RAB3B: variants seen among roughly 807,000 people sequenced by gnomAD.
RAB3B encodes the protein ras-related protein Rab-3B.
In RAB3B, 11 loss-of-function variants were observed where a neutral mutation model predicts 20.5. The observed-to-expected ratio is 0.54, with a 90% CI of 0.34 to 0.89. The LOEUF (loss-of-function observed/expected upper bound fraction) is 0.89, where lower values mean the gene tolerates loss of function less well. Among genes scored for constraint, RAB3B ranks in the 40% least tolerant of loss-of-function variants. The probability of loss-of-function intolerance (pLI) is 0.02; values close to 1 mark genes in which losing one functional copy is unlikely to be tolerated. For synonymous variants in RAB3B, 99 were observed against 106.3 expected, an observed-to-expected ratio of 0.93 and a Z score of 0.42; for missense variants, 225 against 280.9, an observed-to-expected ratio of 0.80 and a Z score of 1.42.
chr1:51,933,297 A>G (rs773031495), intron 4 of RAB3B, 21 bp downstream of exon 4: 2 of 1,612,058 alleles, frequency 1.2e-6, no homozygotes, highest in Non-Finnish European at 1.7e-6. Flanking sequence ...ACACATGCAC[A>G]TACATGTGTC....
rs148887542 is a variant in RAB3B at position 51,939,424 on chromosome 1, CT to C, written c.229-2013del. 1.5e-3 allele frequency among the ~76,000 whole-genome samples: 219 copies of C among 145,838 alleles called. 2 individuals carry two copies. In the East Asian group the frequency reaches 0.026, roughly 17 times the overall value. ...AAAAAGGTAGGCCTTAAATCTGGGA[CT>C]TTTTTTTTTTAAGAGACAGGGTCTC... On this transcript the variant is annotated intron_variant, in intron 2 of 4. Coordinates refer to ENST00000371655, the MANE Select transcript of RAB3B (RefSeq NM_002867.4).
chr1:51,933,306 T>C lies in RAB3B; in HGVS notation c.472+12A>G. On this transcript the variant is annotated intron_variant, in intron 4 of 4. Coordinates refer to ENST00000371655, the MANE Select transcript of RAB3B (RefSeq NM_002867.4). ...AAATGCACACATGCACATACATGTG[T>C]CATGTACATACCAAGCTGCTCTGCA... The C allele has an allele frequency of 6.2e-7, 1 of 1,613,300 alleles. No homozygotes were observed. Among genetic ancestry groups the C allele is most frequent in the South Asian group, 1.1e-5 (1 of 90,986 alleles).
At chr1:51,921,978 T>C (rs974751053) in intron 4 of RAB3B, among the ~76,000 whole-genome samples, 1 of 152,304 alleles carries the variant, frequency 6.6e-6, no homozygotes, top group Non-Finnish European at 1.5e-5. Flanking sequence ...CACATGCCAT[T>C]CCTGCCAGCC....
intron 2 of RAB3B, among the ~76,000 whole-genome samples, chr1:51,963,923 C>A (rs1317696891): frequency 6.6e-6 from 1 of 152,150 alleles, no homozygotes; most frequent in Non-Finnish European, 1.5e-5. Flanking sequence ...ATTTTTGTTT[C>A]TTTGTTGGCT....
chr1:51,914,657 G>A lies in RAB3B; in HGVS notation c.*5270C>T, dbSNP rs1037300316. On this transcript the variant is annotated 3_prime_UTR_variant, in exon 5 of 5. Transcript: ENST00000371655. Reference sequence around the variant, plus strand: ...TCATTTAACAGTATTTATATCTCACGGACTAGTGTTTTGCATTTACTTCCA... The same window carrying A: ...TCATTTAACAGTATTTATATCTCACAGACTAGTGTTTTGCATTTACTTCCA... 8 of 152,038 alleles carry A rather than the reference G, an allele frequency of 5.3e-5. No individual in the cohort carries two copies. Among genetic ancestry groups the A allele is most frequent in the Non-Finnish European group, 1.0e-4 (7 of 68,018 alleles). 9.4% of individuals were successfully genotyped at this position (152,038 alleles called of 1,614,324 possible). A position where few individuals can be genotyped will look rare whatever the true frequency, so the allele number is the denominator to read the frequency against.
intron 2 of RAB3B, among the ~76,000 whole-genome samples, chr1:51,974,707 T>C (rs1170925919): frequency 6.6e-6 from 1 of 152,222 alleles, no homozygotes; most frequent in Non-Finnish European, 1.5e-5. Context: ...TATAGCAGTG[T>C]TGTTGACCTA....
intron 2 of RAB3B, among the ~76,000 whole-genome samples, chr1:51,940,403 A>G (rs1273390839): frequency 6.6e-6 from 1 of 152,236 alleles, no homozygotes; most frequent in Non-Finnish European, 1.5e-5. Context: ...TAGGTAGATC[A>G]TTTGAAGTCA....
At chr1:51,958,176 T>C (rs1571971399) in intron 2 of RAB3B, among the ~76,000 whole-genome samples, 1 of 152,142 alleles carries the variant, frequency 6.6e-6, no homozygotes, top group South Asian at 2.1e-4. Flanking sequence ...GTGTCACTTT[T>C]TATATGCAGA....
chr1:51,937,772 C>T (rs898445024), intron 2 of RAB3B, among the ~76,000 whole-genome samples: 6 of 152,068 alleles, frequency 3.9e-5, no homozygotes, highest in African/African-American at 7.2e-5. Context: ...GCTGGGATTA[C>T]AGGAGTGAGC....
intron 2 of RAB3B, among the ~76,000 whole-genome samples, chr1:51,975,986 C>T (rs573468130): frequency 3.3e-5 from 5 of 149,322 alleles, no homozygotes; most frequent in Admixed American, 6.7e-5. Context: ...GACAAGACTC[C>T]GTCTTAAAAA....
rs1683977334 is a variant in RAB3B at position 51,910,187 on chromosome 1, C to T, written c.*9740G>A. 1 of 152,132 alleles carries T rather than the reference C, an allele frequency of 6.6e-6. No individual in the cohort carries two copies. Among genetic ancestry groups the T allele is most frequent in the Non-Finnish European group, 1.5e-5 (1 of 68,028 alleles). The allele number at this position is 152,132 out of a possible 1,614,324, so 9.4% of individuals were successfully genotyped here. A position where few individuals can be genotyped will look rare whatever the true frequency, so the allele number is the denominator to read the frequency against. ...CCTTATGACCTTCTGAAACCTCATCCTGTGGTCTGATGTCTACAGGGGTTG... is the reference window on the plus strand; with the variant it reads ...CCTTATGACCTTCTGAAACCTCATCTTGTGGTCTGATGTCTACAGGGGTTG... On this transcript the variant is annotated 3_prime_UTR_variant, in exon 5 of 5. Transcript: ENST00000371655.
rs1372769196 is a variant in RAB3B at position 51,919,186 on chromosome 1, T to A, written c.*741A>T. 6.6e-6 allele frequency: 1 copy of A among 151,800 alleles called. No homozygotes were observed. The highest frequency in any genetic ancestry group is 2.4e-5 in the African/African-American group (1 of 41,316). The allele number at this position is 151,800 out of a possible 1,614,324, so 9.4% of individuals were successfully genotyped here. ...TTTTAGTAGAGACGGGGTTTCACCT[T>A]GTTAGCCAGGATGGTCTCGATCTCC... On this transcript the variant is annotated 3_prime_UTR_variant, in exon 5 of 5. Transcript: ENST00000371655.
chr1:51,934,354 C>G (rs1475998146), intron 3 of RAB3B, among the ~76,000 whole-genome samples: 1 of 152,176 alleles, frequency 6.6e-6, no homozygotes, highest in Non-Finnish European at 1.5e-5. Context: ...CCTAGATCCA[C>G]TTAGCCTCCA....
intron 1 of RAB3B, among the ~76,000 whole-genome samples, chr1:51,988,162 C>A (rs1335393729): frequency 6.6e-6 from 1 of 152,138 alleles, no homozygotes; most frequent in Non-Finnish European, 1.5e-5. Flanking sequence ...ATAGCAGGGG[C>A]TCAATAATGT....
intron 4 of RAB3B, among the ~76,000 whole-genome samples, chr1:51,932,171 A>C (rs548194460): frequency 2.6e-4 from 40 of 152,150 alleles, no homozygotes; most frequent in Non-Finnish European, 4.6e-4. Context: ...AATATATAAA[A>C]CACACAATTC....
chr1:51,940,542 G>C (rs1161709696), intron 2 of RAB3B, among the ~76,000 whole-genome samples: 1 of 152,044 alleles, frequency 6.6e-6, no homozygotes, highest in East Asian at 1.9e-4. Context: ...AGAATCACTT[G>C]AACCCAGGAG....
intron 4 of RAB3B, among the ~76,000 whole-genome samples, chr1:51,929,765 A>G (rs1684297719): frequency 6.6e-6 from 1 of 152,150 alleles, no homozygotes; most frequent in Non-Finnish European, 1.5e-5. Flanking sequence ...TTATTTGCAC[A>G]ATTTTTAATT....
intron 2 of RAB3B, among the ~76,000 whole-genome samples, chr1:51,939,009 T>C (rs191716117): frequency 6.6e-6 from 1 of 152,186 alleles, no homozygotes; most frequent in African/African-American, 2.4e-5. Flanking sequence ...ATTACTCTTA[T>C]GTAAGGAGAA....
At chr1:51,970,977 C>G (rs1366714513) in intron 2 of RAB3B, among the ~76,000 whole-genome samples, 1 of 143,528 alleles carries the variant, frequency 7.0e-6, no homozygotes, top group Non-Finnish European at 1.5e-5. Context: ...TGCCACTGCA[C>G]TCCAGCCTGG....
Sources: allele counts gnomAD v4.1 joint callset (sites outside exome capture counted in the v4.1 genomes callset), GRCh38; gene constraint gnomAD v4.1.1; transcripts MANE v1.5; gene names NCBI Gene and HGNC (gene_info 2026-07-23, HGNC 2026-07-21).